Variants in LUZP2 observed in about 807,000 individuals in gnomAD.
LUZP2 encodes the protein leucine zipper protein 2.
Under a neutral mutation model 51.6 loss-of-function variants are expected in LUZP2, and 52 were observed. The ratio of observed to expected loss-of-function variants is 1.01; its 90% CI spans 0.81 to 1.27. The LOEUF is 1.27. Ranked by LOEUF, LUZP2 falls within the 50% of genes most tolerant of loss-of-function variation. The pLI is 0.00. For synonymous variants in LUZP2, 154 were observed against 137.3 expected, an observed-to-expected ratio of 1.12 and a Z score of -0.85; for missense variants, 436 against 395.4, an observed-to-expected ratio of 1.10 and a Z score of -0.87.
At chr11:24,510,263 C>G (rs1039176388) in intron 1 of LUZP2, among the ~76,000 whole-genome samples, 1 of 152,166 alleles carries the variant, frequency 6.6e-6, no homozygotes, top group Non-Finnish European at 1.5e-5. Flanking sequence ...AATTGTGATG[C>G]TACCCATTTT....
chr11:24,635,876 T>C (rs1232233018), intron 1 of LUZP2, among the ~76,000 whole-genome samples: 1 of 152,042 alleles, frequency 6.6e-6, no homozygotes, highest in Admixed American at 6.6e-5. Flanking sequence ...CAGGTAGACT[T>C]TGCAAGCTGG....
chr11:24,766,401 CTT>C (rs1246911831), intron 5 of LUZP2, among the ~76,000 whole-genome samples: 1 of 151,998 alleles, frequency 6.6e-6, no homozygotes, highest in Non-Finnish European at 1.5e-5. Context: ...AGGCAAAAGA[CTT>C]TTCAAATTTT....
At chr11:24,523,618 AC>A (rs1397293308) in intron 1 of LUZP2, among the ~76,000 whole-genome samples, 1 of 151,266 alleles carries the variant, frequency 6.6e-6, no homozygotes, top group East Asian at 1.9e-4. Flanking sequence ...ATTTAGATTG[AC>A]TATTTAGCTC....
In LUZP2 at chr11:24,983,306, T is replaced by C; in HGVS notation, c.765+13T>C. ...GGCCAAAAGCAAGGTACCTACCTTT[T>C]ATTTGCGCTTTGTAAAGTAACAGCA... is the stretch of plus-strand genomic sequence containing the variant. On this transcript the variant is annotated intron_variant, in intron 9 of 11. Coordinates refer to ENST00000336930, the MANE Select transcript of LUZP2 (RefSeq NM_001009909.4). 6.2e-7 allele frequency: 1 copy of C among 1,609,610 alleles called. No homozygotes were observed. Among genetic ancestry groups the C allele is most frequent in the South Asian group, 1.1e-5 (1 of 90,814 alleles).
chr11:24,814,947 G>A (rs1231549229), intron 5 of LUZP2, among the ~76,000 whole-genome samples: 1 of 146,744 alleles, frequency 6.8e-6, no homozygotes, highest in Non-Finnish European at 1.5e-5. Flanking sequence ...AGCTGAGATC[G>A]CACCAATGCA....
intron 10 of LUZP2, among the ~76,000 whole-genome samples, chr11:25,052,288 G>A (rs977951696): frequency 1.3e-5 from 2 of 152,186 alleles, no homozygotes; most frequent in Admixed American, 6.5e-5. Context: ...CAGTTTTCAA[G>A]TTCTAGACCA....
intron 1 of LUZP2, among the ~76,000 whole-genome samples, chr11:24,658,272 C>A (rs1190829506): frequency 5.3e-5 from 8 of 152,030 alleles, no homozygotes; most frequent in Admixed American, 2.0e-4. Context: ...ATAATGCCGC[C>A]TATCTACAAC....
intron 9 of LUZP2, among the ~76,000 whole-genome samples, chr11:25,043,383 A>C (rs1565271937): frequency 6.6e-6 from 1 of 151,994 alleles, no homozygotes; most frequent in Non-Finnish European, 1.5e-5. Flanking sequence ...AATCAAGTAA[A>C]TCATACATCT....
At chr11:24,599,030 A>G (rs1042201764) in intron 1 of LUZP2, among the ~76,000 whole-genome samples, 3 of 152,152 alleles carry the variant, frequency 2.0e-5, no homozygotes, top group African/African-American at 7.2e-5. Context: ...TAATGTAGGT[A>G]GATAACAGAG....
chr11:24,999,418 A>AAGG (rs976531793), intron 9 of LUZP2, among the ~76,000 whole-genome samples: 7 of 100,670 alleles, frequency 7.0e-5, no homozygotes, highest in Non-Finnish European at 1.1e-4. Context: ...GGAGAAGAAG[A>AAGG]AGGAGGAGGA....
At chr11:24,985,327 C>G (rs897649652) in intron 9 of LUZP2, among the ~76,000 whole-genome samples, 6 of 151,504 alleles carry the variant, frequency 4.0e-5, no homozygotes, top group African/African-American at 1.5e-4. Flanking sequence ...TTCTAGATAC[C>G]TGGATACAAA....
chr11:24,580,653 G>A (rs886955374), intron 1 of LUZP2, among the ~76,000 whole-genome samples: 80 of 151,782 alleles, frequency 5.3e-4, no homozygotes, highest in Admixed American at 5.0e-3. Context: ...TTTTGCAAAT[G>A]TGATAAACAG....
chr11:24,533,327 T>C (rs1418142087), intron 1 of LUZP2, among the ~76,000 whole-genome samples: 2 of 151,322 alleles, frequency 1.3e-5, no homozygotes, highest in African/African-American at 4.8e-5. Context: ...GTATCGGATC[T>C]TTTTTAACTT....
intron 1 of LUZP2, among the ~76,000 whole-genome samples, chr11:24,615,415 C>A (rs61604821): frequency 0.19 from 28,817 of 151,886 alleles, 3,122 homozygotes; most frequent in African/African-American, 0.29. Flanking sequence ...AGTATGTAAG[C>A]TTTTGAATTT....
chr11:25,073,117 CAATT>C (rs1565311649), intron 10 of LUZP2, among the ~76,000 whole-genome samples: 1 of 152,070 alleles, frequency 6.6e-6, no homozygotes, highest in East Asian at 1.9e-4. Context: ...AGAGGCAGAA[CAATT>C]AATTAAATTG....
At chr11:24,647,355 C>T (rs78860171) in intron 1 of LUZP2, among the ~76,000 whole-genome samples, 148 of 151,730 alleles carry the variant, frequency 9.8e-4, no homozygotes, top group African/African-American at 3.4e-3. Flanking sequence ...ACTGTGAATG[C>T]AGCCAGTATT....
intron 1 of LUZP2, among the ~76,000 whole-genome samples, chr11:24,549,207 T>C (rs1851650678): frequency 6.6e-6 from 1 of 152,098 alleles, no homozygotes; most frequent in Non-Finnish European, 1.5e-5. Flanking sequence ...TTATATATTA[T>C]TTACATTTTA....
At chr11:24,908,869 C>T (rs78210783) in intron 6 of LUZP2, among the ~76,000 whole-genome samples, 2 of 151,416 alleles carry the variant, frequency 1.3e-5, no homozygotes, top group East Asian at 3.9e-4. Context: ...CATTCTTCTG[C>T]GTCAGCCTCC....
In LUZP2 at chr11:24,602,252, A is replaced by G. The variant is rs201006603; in HGVS notation, c.62+104947A>G. The stretch of plus-strand genomic sequence containing the variant: ...CATATATGTGTATATATGTATATAT[A>G]TGCAAACATATATGTACATACATAT... On this transcript the variant is annotated intron_variant, in intron 1 of 11. Transcript: ENST00000336930. Among the ~76,000 whole-genome samples, 618 of 79,042 alleles carry G rather than the reference A, an allele frequency of 7.8e-3. 19 individuals carry two copies. The highest frequency in any genetic ancestry group is 0.027 in the African/African-American group (460 of 17,204). 51.9% of individuals were successfully genotyped at this position (79,042 alleles called of 152,430 possible).
Sources: gnomAD v4.1 joint callset for allele counts (sites outside exome capture counted in the v4.1 genomes callset) on GRCh38, gnomAD v4.1.1 for gene constraint, MANE v1.5 for transcripts, NCBI Gene and HGNC (gene_info 2026-07-23, HGNC 2026-07-21) for gene names.